The following LRMDA variants were observed in gnomAD, a reference collection of about 807,000 sequenced individuals.
The protein encoded by LRMDA is leucine-rich melanocyte differentiation-associated protein.
LRMDA carries 18 observed loss-of-function variants against 29.8 expected under a neutral mutation model. The ratio of observed to expected loss-of-function variants is 0.60; its 90% CI spans 0.42 to 0.90. LRMDA has a LOEUF of 0.90. Ranked by LOEUF, LRMDA falls within the 40% of genes least tolerant of loss-of-function variation. LRMDA has a pLI of 0.00. For missense variants in LRMDA, 273 were observed against 273.9 expected, an observed-to-expected ratio of 1.00 and a Z score of 0.02; for synonymous variants, 125 against 109.4, an observed-to-expected ratio of 1.14 and a Z score of -0.89.
At chr10:75,886,856 G>A (rs1218453833) in intron 2 of LRMDA, among the ~76,000 whole-genome samples, 2 of 152,222 alleles carry the variant, frequency 1.3e-5, no homozygotes, top group South Asian at 2.1e-4. Context: ...CAGGTCACAC[G>A]GTTATTTATA....
At chr10:75,907,998 T>C (rs1345099103) in intron 2 of LRMDA, among the ~76,000 whole-genome samples, 1 of 152,208 alleles carries the variant, frequency 6.6e-6, no homozygotes, top group Non-Finnish European at 1.5e-5. Flanking sequence ...CTGTCATCCA[T>C]GGTGGTGATG....
chr10:75,538,835 A>G (rs1045929411), intron 2 of LRMDA, among the ~76,000 whole-genome samples: 1 of 152,174 alleles, frequency 6.6e-6, no homozygotes, highest in Non-Finnish European at 1.5e-5. Flanking sequence ...TGTGTGTTTT[A>G]TAAACATCCC....
chr10:75,944,752 A>C (rs867782436), intron 2 of LRMDA, among the ~76,000 whole-genome samples: 9 of 148,422 alleles, frequency 6.1e-5, no homozygotes, highest in African/African-American at 2.2e-4. Flanking sequence ...GTATATATAT[A>C]TAAAATAAAA....
intron 6 of LRMDA, among the ~76,000 whole-genome samples, chr10:76,518,651 A>G (rs1287542017): frequency 1.3e-5 from 2 of 152,168 alleles, no homozygotes; most frequent in African/African-American, 4.8e-5. Context: ...TATGAAAAAA[A>G]CTGTCTTAGA....
intron 2 of LRMDA, among the ~76,000 whole-genome samples, chr10:75,854,978 T>C (rs1844799501): frequency 1.3e-5 from 2 of 152,134 alleles, no homozygotes; most frequent in African/African-American, 2.4e-5. Context: ...TGTTGGACAT[T>C]TGGGTTGCTT....
intron 2 of LRMDA, among the ~76,000 whole-genome samples, chr10:75,490,336 T>TACACACACACACACACAC (rs56077469): frequency 1.3e-5 from 2 of 148,516 alleles, no homozygotes; most frequent in Non-Finnish European, 3.0e-5. Flanking sequence ...CATGTACACA[T>TACACACACACACACACAC]ACACACACAC....
chr10:76,412,015 C>A (rs757889029), intron 6 of LRMDA, among the ~76,000 whole-genome samples: 23 of 152,216 alleles, frequency 1.5e-4, no homozygotes, highest in Non-Finnish European at 3.2e-4. Flanking sequence ...AGGCGCCAGC[C>A]TCTGTTTGCC....
At chr10:76,537,634 C>T (rs1477881690) in intron 6 of LRMDA, among the ~76,000 whole-genome samples, 1 of 152,214 alleles carries the variant, frequency 6.6e-6, no homozygotes, top group Non-Finnish European at 1.5e-5. Context: ...ATCGTCACAT[C>T]TGCCTCTCTG....
At chr10:76,407,446 A>G (rs529062741) in intron 6 of LRMDA, among the ~76,000 whole-genome samples, 40 of 152,318 alleles carry the variant, frequency 2.6e-4, no homozygotes, top group African/African-American at 9.1e-4. Flanking sequence ...GAATAAATTA[A>G]TGTTCTAGAA....
chr10:75,456,258 A>G (rs1217505118), intron 2 of LRMDA, among the ~76,000 whole-genome samples: 1 of 152,232 alleles, frequency 6.6e-6, no homozygotes, highest in Non-Finnish European at 1.5e-5. Flanking sequence ...ACGCTGTTAG[A>G]AGGGTCACGG....
At chr10:76,254,335 C>CT (rs1564701474) in intron 5 of LRMDA, among the ~76,000 whole-genome samples, 219 of 136,326 alleles carry the variant, frequency 1.6e-3, no homozygotes, top group African/African-American at 5.6e-3. Context: ...CATACCATAC[C>CT]ATACCATCCT....
chr10:76,288,778 G>A (rs1235434515), intron 5 of LRMDA, among the ~76,000 whole-genome samples: 1 of 152,150 alleles, frequency 6.6e-6, no homozygotes, highest in Non-Finnish European at 1.5e-5. Context: ...AGAAACTGTG[G>A]TTTCCGTAGG....
intron 2 of LRMDA, among the ~76,000 whole-genome samples, chr10:75,606,155 G>T (rs780089833): frequency 2.0e-5 from 3 of 151,906 alleles, no homozygotes; most frequent in Non-Finnish European, 4.4e-5. Flanking sequence ...ACTGCGCCTG[G>T]CCAACCCTGT....
intron 5 of LRMDA, among the ~76,000 whole-genome samples, chr10:76,136,718 AC>A (rs1850102480): frequency 1.3e-5 from 2 of 152,310 alleles, no homozygotes; most frequent in East Asian, 3.9e-4. Flanking sequence ...ATAGATGAGC[AC>A]TTTTTGTTCT....
chr10:75,904,784 T>G (rs1408871518), intron 2 of LRMDA, among the ~76,000 whole-genome samples: 6 of 152,168 alleles, frequency 3.9e-5, no homozygotes, highest in Non-Finnish European at 7.3e-5. Flanking sequence ...AGCTATAGAT[T>G]GATGAGCCGA....
At chr10:75,588,590 A>T (rs911970901) in intron 2 of LRMDA, among the ~76,000 whole-genome samples, 4 of 152,088 alleles carry the variant, frequency 2.6e-5, no homozygotes, top group African/African-American at 9.7e-5. Flanking sequence ...AAAATATCCT[A>T]GCACTCTGTG....
At chr10:75,545,008 T>C (rs569190262) in intron 2 of LRMDA, among the ~76,000 whole-genome samples, 1 of 152,318 alleles carries the variant, frequency 6.6e-6, no homozygotes, top group African/African-American at 2.4e-5. Context: ...TTATTTTTCC[T>C]GTGTTTTCAG....
intron 2 of LRMDA, among the ~76,000 whole-genome samples, chr10:75,779,244 A>G (rs1270872071): frequency 1.3e-5 from 2 of 152,190 alleles, no homozygotes; most frequent in Admixed American, 6.5e-5. Context: ...TTAAGCTAGA[A>G]AACATTTATA....
intron 2 of LRMDA, among the ~76,000 whole-genome samples, chr10:75,852,973 C>T (rs11001523): frequency 0.38 from 57,696 of 151,914 alleles, 12,904 homozygotes; most frequent in South Asian, 0.52. Context: ...TTCTTCTTTA[C>T]GTGGCATCAA....
Sources: allele counts gnomAD v4.1 joint callset (sites outside exome capture counted in the v4.1 genomes callset), GRCh38; gene constraint gnomAD v4.1.1; transcripts MANE v1.5; gene names NCBI Gene and HGNC (gene_info 2026-07-23, HGNC 2026-07-21).